Variants in CARD14 observed in about 807,000 individuals in gnomAD.
The protein encoded by CARD14 is caspase recruitment domain family member 14.
A neutral mutation model predicts 111.5 loss-of-function variants in CARD14; 107 were observed. That is an observed-to-expected ratio of 0.96 (90% CI 0.82 to 1.13). The LOEUF (loss-of-function observed/expected upper bound fraction) is 1.13, where lower values mean the gene tolerates loss of function less well. Among genes scored for constraint, CARD14 ranks in the 50% most tolerant of loss-of-function variants. The pLI is 0.00. For missense variants in CARD14, 1,322 were observed against 1,362.3 expected, an observed-to-expected ratio of 0.97 and a Z score of 0.47; for synonymous variants, 617 against 579.6, an observed-to-expected ratio of 1.06 and a Z score of -0.93.
intron 23 of CARD14, among the ~76,000 whole-genome samples, chr17:80,207,864 C>CAA (rs759593746): frequency 7.5e-6 from 1 of 132,974 alleles, no homozygotes. Context: ...CGGCTAAGGA[C>CAA]AAAAAAAAAA....
chr17:80,201,569 T>C lies in CARD14; in HGVS notation c.1852-175T>C, dbSNP rs2040976225. On this transcript the variant is annotated intron_variant, in intron 16 of 23. Coordinates refer to ENST00000648509, the MANE Select transcript of CARD14 (RefSeq NM_001366385.1). This position sits in a 1 kb window ranked among gnomAD's most constrained non-coding sequence, Gnocchi z 5.0. ...TATGTGTAGCACGCATCACTAGAGGTGTGAAGGCCCCACAGAGGCTCTGGT... is the reference window on the plus strand; with the variant it reads ...TATGTGTAGCACGCATCACTAGAGGCGTGAAGGCCCCACAGAGGCTCTGGT... 6 of 675,238 alleles carry C rather than the reference T, an allele frequency of 8.9e-6. No individual in the cohort carries two copies. In the East Asian group the frequency reaches 1.5e-4, roughly 17 times the overall value. The allele number at this position is 675,238 out of a possible 1,614,324, so 41.8% of individuals were successfully genotyped here. A position where few individuals can be genotyped will look rare whatever the true frequency, so the allele number is the denominator to read the frequency against.
At chr17:80,192,647 C>G in intron 12 of CARD14, 28 bp downstream of exon 12, 1 of 1,558,352 alleles carries the variant, frequency 6.4e-7, no homozygotes, top group Non-Finnish European at 8.8e-7. Context: ...GCCTCCCTCA[C>G]TGCCTTGACC....
At chr17:80,207,870 AAAAAAAAGT>A (rs1327613100) in intron 23 of CARD14, among the ~76,000 whole-genome samples, 3 of 152,032 alleles carry the variant, frequency 2.0e-5, no homozygotes, top group Non-Finnish European at 4.4e-5. Context: ...AGGACAAAAA[AAAAAAAAGT>A]AAAAAAATTA....
In CARD14 at chr17:80,201,912, G is replaced by T; in HGVS notation, c.1978+42G>T. On this transcript the variant is annotated intron_variant, in intron 17 of 23. Coordinates refer to ENST00000648509, the MANE Select transcript of CARD14 (RefSeq NM_001366385.1). The surrounding 1 kb of genome is among the most constrained non-coding windows in gnomAD (Gnocchi z 5.0). ...TCTCGTGTGCACAGCTGCCTGGCCA[G>T]ACTCCATGACCCTTAAGTCCCTGGT... 6.4e-7 allele frequency: 1 copy of T among 1,572,892 alleles called. No individual in the cohort carries two copies. Among genetic ancestry groups the T allele is most frequent in the South Asian group, 1.2e-5 (1 of 84,520 alleles).
chr17:80,177,458 G>A (rs1027120487), intron 2 of CARD14, among the ~76,000 whole-genome samples: 1 of 152,118 alleles, frequency 6.6e-6, no homozygotes, highest in Non-Finnish European at 1.5e-5. Context: ...CACTTTGGGA[G>A]GCCGAGGCAG....
At chr17:80,194,713 G>A (rs1034774036) in intron 12 of CARD14, among the ~76,000 whole-genome samples, 6 of 152,238 alleles carry the variant, frequency 3.9e-5, no homozygotes, top group African/African-American at 9.6e-5. Context: ...TCAGCAAAGG[G>A]GGAAGCCCTT....
In CARD14 at chr17:80,204,246, A is replaced by G. The variant is rs1284168560; in HGVS notation, c.2303A>G (p.Gln768Arg). ...CTTTAGCCATCTTCTGGGGGACCACAGAAGCTGGTCCGCATCGTCAGTATG... is the reference window on the plus strand; with the variant it reads ...CTTTAGCCATCTTCTGGGGGACCACGGAAGCTGGTCCGCATCGTCAGTATG... ...VTRKPSSGGP[Q>R]KLVRIVSMDK... The change falls in exon 20 of 24, where the codon CAG becomes CGG. Residue 768 changes from glutamine (Q) to arginine (R), a missense_variant. Transcript: ENST00000648509. 1 of 1,593,312 alleles carries G rather than the reference A, an allele frequency of 6.3e-7. No homozygotes were observed. Among genetic ancestry groups the G allele is most frequent in the Non-Finnish European group, 8.6e-7 (1 of 1,163,790 alleles).
intron 19 of CARD14, 110 bp from the exon 20 acceptor site, chr17:80,204,117 G>A (rs2041142288): frequency 8.4e-6 from 9 of 1,069,864 alleles, no homozygotes; most frequent in African/African-American, 3.2e-5. Context: ...GAGCATCTGC[G>A]CCTCTGCATC....
At chr17:80,172,565 C>T (rs1168762036) in intron 1 of CARD14, among the ~76,000 whole-genome samples, 6 of 152,196 alleles carry the variant, frequency 3.9e-5, no homozygotes, top group Non-Finnish European at 5.9e-5. Context: ...GGAGAGGAGA[C>T]GTTTCTGCTG....
chr17:80,181,337 G>A, intron 4 of CARD14, 82 bp from the exon 5 acceptor site: 1 of 1,055,926 alleles, frequency 9.5e-7, no homozygotes, highest in Non-Finnish European at 1.4e-6. Context: ...TTACGATGGA[G>A]TTGATTTTAA....
At chr17:80,183,848 C>T in intron 6 of CARD14, 65 bp from the exon 7 acceptor site, 1 of 1,363,672 alleles carries the variant, frequency 7.3e-7, no homozygotes, top group Non-Finnish European at 9.7e-7. Context: ...ACCTGCTCAC[C>T]TACCCACCTG....
chr17:80,201,543 CTA>C lies in CARD14; in HGVS notation c.1852-199_1852-198del, dbSNP rs1744314058. 3.3e-6 allele frequency: 2 copies of C among 602,228 alleles called. No homozygotes were observed. The highest frequency in any genetic ancestry group is 3.9e-5 in the South Asian group (2 of 51,636). The allele number at this position is 602,228 out of a possible 1,614,324, so 37.3% of individuals were successfully genotyped here. On this transcript the variant is annotated intron_variant, in intron 16 of 23. Coordinates refer to ENST00000648509, the MANE Select transcript of CARD14 (RefSeq NM_001366385.1). This position sits in a 1 kb window ranked among gnomAD's most constrained non-coding sequence, Gnocchi z 5.0. Reference sequence around the variant, plus strand: ...TTGGCAGTTGACTCTCTGGCCAGCACTATGTGTAGCACGCATCACTAGAGGTG... The same window carrying C: ...TTGGCAGTTGACTCTCTGGCCAGCACTGTGTAGCACGCATCACTAGAGGTG...
chr17:80,205,030 C>A lies in CARD14; in HGVS notation c.2399-5C>A. The A allele has an allele frequency of 6.4e-7, 1 of 1,574,490 alleles. No homozygotes were observed. Among genetic ancestry groups the A allele is most frequent in the East Asian group, 2.3e-5 (1 of 43,574 alleles). The stretch of plus-strand genomic sequence containing the variant: ...CACCCACCCTCAGGATCCTCTCCTC[C>A]ACAGGCTCCAGCACGTGCTTCTGGG... On this transcript the variant is annotated splice_polypyrimidine_tract_variant and splice_region_variant and intron_variant, in intron 20 of 23. Coordinates refer to ENST00000648509, the MANE Select transcript of CARD14 (RefSeq NM_001366385.1).
intron 12 of CARD14, among the ~76,000 whole-genome samples, chr17:80,193,302 C>A (rs1435329369): frequency 6.8e-6 from 1 of 147,328 alleles, no homozygotes; most frequent in Non-Finnish European, 1.5e-5. Flanking sequence ...CCAGGGGACC[C>A]AATTCGACCT....
intron 20 of CARD14, 150 bp from the exon 21 acceptor site, chr17:80,204,885 G>A (rs1382583764): frequency 9.2e-6 from 6 of 650,210 alleles, no homozygotes; most frequent in African/African-American, 3.7e-5. Context: ...AACTGGGAGT[G>A]AGTCCTGTGA....
chr17:80,191,176 T>C (rs1013544906), intron 10 of CARD14, 147 bp from the exon 11 acceptor site: 1 of 1,055,804 alleles, frequency 9.5e-7, no homozygotes, highest in Non-Finnish European at 1.4e-6. Flanking sequence ...TGAACACGAA[T>C]TGAAATGAAT....
chr17:80,193,842 G>A (rs770244339), intron 12 of CARD14, among the ~76,000 whole-genome samples: 2 of 152,102 alleles, frequency 1.3e-5, no homozygotes, highest in Non-Finnish European at 2.9e-5. Context: ...ATCGACTCTC[G>A]CATCTGCCTT....
chr17:80,172,046 G>T (rs2039914470), intron 1 of CARD14, among the ~76,000 whole-genome samples: 1 of 152,258 alleles, frequency 6.6e-6, no homozygotes, highest in Non-Finnish European at 1.5e-5. Flanking sequence ...CAGGGTTTCA[G>T]CTGCAAGCTG....
intron 9 of CARD14, 77 bp from the exon 10 acceptor site, chr17:80,190,697 G>A: frequency 2.6e-6 from 4 of 1,563,208 alleles, no homozygotes; most frequent in Non-Finnish European, 3.5e-6. Flanking sequence ...CTCCACCCCT[G>A]GGTTCCCCGA....
Sources: gnomAD v4.1 joint callset for allele counts (sites outside exome capture counted in the v4.1 genomes callset) on GRCh38, gnomAD v4.1.1 for gene constraint, Gnocchi (gnomAD v3.1) non-coding constraint, MANE v1.5 for transcripts, NCBI Gene and HGNC (gene_info 2026-07-23, HGNC 2026-07-21) for gene names.